Variants in PBRM1 observed in about 807,000 individuals in gnomAD.
PBRM1 encodes the protein protein polybromo-1.
In PBRM1, 27 loss-of-function variants were observed where a neutral mutation model predicts 194.5. That is an observed-to-expected ratio of 0.14 (90% confidence interval 0.10 to 0.19). The LOEUF is 0.19. PBRM1 is among the 10% of genes least tolerant of loss of function. The pLI, the probability that PBRM1 is intolerant of heterozygous loss-of-function variation, is 1.00. For missense variants in PBRM1, 1,466 were observed against 2,077.2 expected, an observed-to-expected ratio of 0.71 and a Z score of 5.72; for synonymous variants, 655 against 693.2, an observed-to-expected ratio of 0.94 and a Z score of 0.87.
At chr3:52,571,975 C>G (rs904826484) in intron 22 of PBRM1, among the ~76,000 whole-genome samples, 1 of 149,758 alleles carries the variant, frequency 6.7e-6, no homozygotes, top group Admixed American at 6.7e-5. Context: ...GAGTTGGAGG[C>G]TGCAGTGAGT....
Position 52,586,137 on chromosome 3 carries a change from T to C in PBRM1, c.3387+288A>G, listed in dbSNP as rs150730155. ...TTTTAGTAGAGATGAGGTTTCACCA[T>C]GTTGGTCAGGCTGGTCTCGAACTCC... On this transcript the variant is annotated intron_variant, in intron 20 of 29. Coordinates refer to ENST00000296302, the Ensembl canonical transcript of PBRM1. 3.6e-4 allele frequency: 78 copies of C among 217,802 alleles called. 3 individuals carry two copies. In the East Asian group the frequency reaches 7.8e-3, roughly 22 times the overall value. The allele number at this position is 217,802 out of a possible 1,614,324, so 13.5% of individuals were successfully genotyped here.
chr3:52,642,552 G>A (rs2096133050), intron 9 of PBRM1, among the ~76,000 whole-genome samples: 1 of 144,720 alleles, frequency 6.9e-6, no homozygotes. Context: ...GGAGGCAGAG[G>A]TTGCAGAGAT....
At chr3:52,639,657 C>CA (rs1300849854) in intron 10 of PBRM1, among the ~76,000 whole-genome samples, 1 of 152,042 alleles carries the variant, frequency 6.6e-6, no homozygotes, top group Non-Finnish European at 1.5e-5. Context: ...TGCTTGAGCC[C>CA]AGGAGTGGAG....
At position 52,614,373 on chromosome 3, in the gene PBRM1, CAAAAAAAAAAAA is replaced by C. The variant is rs1165930996; in HGVS notation, c.1924+966_1924+977del. On this transcript the variant is annotated intron_variant, in intron 15 of 29. Coordinates refer to ENST00000296302, the Ensembl canonical transcript of PBRM1. ...GGGGTGACAGGGCGAGATGCTTCAT[CAAAAAAAAAAAA>C]AAAAAAAAAAAAAGCAAAAAAGCTA... Among the ~76,000 whole-genome samples the C allele has an allele frequency of 3.2e-4, 13 of 40,924 alleles. No homozygotes were observed. In the East Asian group the frequency reaches 9.2e-3, roughly 29 times the overall value. 26.8% of individuals were successfully genotyped at this position (40,924 alleles called of 152,430 possible).
intron 4 of PBRM1, among the ~76,000 whole-genome samples, chr3:52,660,912 T>C (rs2096710296): frequency 6.6e-6 from 1 of 152,232 alleles, no homozygotes; most frequent in Admixed American, 6.5e-5. Flanking sequence ...GTAGATAAGT[T>C]ACAGAAGAAA....
intron 17 of PBRM1, among the ~76,000 whole-genome samples, chr3:52,595,998 AT>A (rs1164003976): frequency 6.6e-6 from 1 of 152,024 alleles, no homozygotes; most frequent in Admixed American, 6.6e-5. Context: ...CCATTGGTAT[AT>A]TTGTCTGTTT....
intron 10 of PBRM1, among the ~76,000 whole-genome samples, chr3:52,637,558 C>T (rs1430050860): frequency 4.0e-5 from 6 of 151,656 alleles, no homozygotes; most frequent in East Asian, 3.9e-4. Context: ...GCTTGAGCCT[C>T]GGAGGTGGAG....
chr3:52,681,718 C>T (rs921361648), upstream of PBRM1: 3 of 1,015,602 alleles, frequency 3.0e-6, no homozygotes, highest in Non-Finnish European at 3.5e-6. Flanking sequence ...GCACAACCAG[C>T]GCCTCGAAAA....
chr3:52,590,832 G>C (rs557260736), intron 17 of PBRM1, among the ~76,000 whole-genome samples: 3 of 152,252 alleles, frequency 2.0e-5, no homozygotes, highest in Admixed American at 2.0e-4. Context: ...GATTAGGACT[G>C]AATCTGTAAA....
In PBRM1 at chr3:52,634,833, G is replaced by GT. The variant is rs766883930; in HGVS notation, c.1088-19dup. 12 of 1,578,692 alleles carry GT rather than the reference G, an allele frequency of 7.6e-6. No homozygotes were observed. The highest frequency in any genetic ancestry group is 1.7e-5 in the Admixed American group (1 of 58,984). On this transcript the variant is annotated intron_variant, in intron 10 of 29. Coordinates refer to ENST00000296302, the Ensembl canonical transcript of PBRM1. ...GCGTGCAGCTGGAAAGACAAAAAAA[G>GT]TATTTATAAAGGGACGAATGAGATG...
At chr3:52,570,613 C>T (rs1320804064) in intron 22 of PBRM1, among the ~76,000 whole-genome samples, 2 of 151,754 alleles carry the variant, frequency 1.3e-5, no homozygotes, top group Admixed American at 1.3e-4. Context: ...TACCAAGCCC[C>T]CAAAAGACAG....
intron 17 of PBRM1, among the ~76,000 whole-genome samples, chr3:52,589,649 T>C (rs570074201): frequency 6.6e-6 from 1 of 152,310 alleles, no homozygotes; most frequent in South Asian, 2.1e-4. Flanking sequence ...TGCTTCTTAA[T>C]GTGTTTCATT....
chr3:52,612,258 CAAAAAAAAAA>C (rs566481465), intron 15 of PBRM1, among the ~76,000 whole-genome samples: 2 of 24,012 alleles, frequency 8.3e-5, no homozygotes, highest in South Asian at 1.7e-3. Flanking sequence ...GATTCCGTCT[CAAAAAAAAAA>C]AAAAAAAAAA....
intron 22 of PBRM1, among the ~76,000 whole-genome samples, chr3:52,568,142 C>A (rs777385886): frequency 5.9e-5 from 9 of 151,728 alleles, no homozygotes; most frequent in Non-Finnish European, 1.0e-4. Flanking sequence ...TCATGTCCAG[C>A]TAATTTTTGT....
chr3:52,564,953 C>T (rs1035124147), intron 22 of PBRM1, among the ~76,000 whole-genome samples: 4 of 152,102 alleles, frequency 2.6e-5, no homozygotes, highest in Non-Finnish European at 5.9e-5. Context: ...AATCCCAGTA[C>T]TTTGGGGAGG....
intron 2 of PBRM1, among the ~76,000 whole-genome samples, chr3:52,670,409 C>A (rs2096922635): frequency 6.6e-6 from 1 of 152,176 alleles, no homozygotes; most frequent in Non-Finnish European, 1.5e-5. Flanking sequence ...ATAAATAGCA[C>A]CATTTGCATT....
intron 19 of PBRM1, 34 bp downstream of exon 21, chr3:52,587,319 T>C: frequency 6.9e-7 from 1 of 1,457,324 alleles, no homozygotes; most frequent in Non-Finnish European, 9.5e-7. Context: ...TCCTAGGGAA[T>C]GAGTGAGACT....
intron 4 of PBRM1, among the ~76,000 whole-genome samples, chr3:52,658,608 T>C (rs2096656032): frequency 6.6e-6 from 1 of 152,126 alleles, no homozygotes; most frequent in Non-Finnish European, 1.5e-5. Flanking sequence ...TTGGCCAGGC[T>C]GGTCTCGAAC....
At chr3:52,601,261 G>T (rs755745326) in intron 17 of PBRM1, among the ~76,000 whole-genome samples, 1 of 152,278 alleles carries the variant, frequency 6.6e-6, no homozygotes, top group Admixed American at 6.5e-5. Flanking sequence ...GGCTTAGGGC[G>T]GCAGCCCCCA....
Sources: allele counts gnomAD v4.1 joint callset (sites outside exome capture counted in the v4.1 genomes callset), GRCh38; gene constraint gnomAD v4.1.1; transcripts MANE v1.5; gene names NCBI Gene and HGNC (gene_info 2026-07-23, HGNC 2026-07-21).